The following CNTNAP2 variants were observed in gnomAD, a reference collection of about 807,000 sequenced individuals.
The protein encoded by CNTNAP2 is contactin associated protein 2.
A neutral mutation model predicts 155.2 loss-of-function variants in CNTNAP2; 98 were observed. The ratio of observed to expected loss-of-function variants is 0.63; its 90% confidence interval spans 0.54 to 0.75. The LOEUF is 0.75. Among genes scored for constraint, CNTNAP2 ranks in the 30% least tolerant of loss-of-function variants. CNTNAP2 has a pLI of 0.00. For missense variants in CNTNAP2, 1,727 were observed against 1,688.1 expected (o/e 1.02, Z -0.40); for synonymous variants, 651 against 631.2 (o/e 1.03, Z -0.47).
At chr7:146,551,749 G>C (rs1798125989) in intron 1 of CNTNAP2, among the ~76,000 whole-genome samples, 1 of 152,088 alleles carries the variant, frequency 6.6e-6, no homozygotes, top group Non-Finnish European at 1.5e-5. Flanking sequence ...ACAGAGTCCA[G>C]CTCCTGAGCA....
At chr7:146,571,712 T>G (rs946521262) in intron 1 of CNTNAP2, among the ~76,000 whole-genome samples, 1 of 147,588 alleles carries the variant, frequency 6.8e-6, no homozygotes, top group Non-Finnish European at 1.5e-5. Context: ...CATTTAAACA[T>G]TTAAAAACTT....
intron 13 of CNTNAP2, among the ~76,000 whole-genome samples, chr7:147,645,651 T>C (rs1481545033): frequency 6.6e-6 from 1 of 151,608 alleles, no homozygotes; most frequent in Non-Finnish European, 1.5e-5. Flanking sequence ...TGGATAGGAG[T>C]TGATGAGAAC....
chr7:148,217,486 T>C lies in CNTNAP2; in HGVS notation c.3209T>C (p.Phe1070Ser). ...TGCATTCTCCTCTACATCAGCTCCT[T>C]CACCACAGACTTCTTGGCAGTCCTC... is the stretch of plus-strand genomic sequence containing the variant. The part of the protein sequence containing the change: ...APCILLYISS[F>S]TTDFLAVLVK... Residue 1070 changes from phenylalanine (F) to serine (S), a missense_variant, in exon 19 of 24, where the codon TTC becomes TCC. Coordinates refer to ENST00000361727, the MANE Select transcript of CNTNAP2 (RefSeq NM_014141.6). The C allele has an allele frequency of 6.2e-7, 1 of 1,614,160 alleles. No homozygotes were observed.
chr7:146,905,940 C>G (rs919256370), intron 3 of CNTNAP2, among the ~76,000 whole-genome samples: 5 of 152,124 alleles, frequency 3.3e-5, no homozygotes, highest in Non-Finnish European at 5.9e-5. Context: ...AGTGGGTGCA[C>G]GCACCACACC....
chr7:147,424,248 A>G (rs7794718), intron 10 of CNTNAP2, among the ~76,000 whole-genome samples: 41,405 of 152,080 alleles, frequency 0.27, 6,633 homozygotes, highest in African/African-American at 0.44. Context: ...AGTAACAATC[A>G]TCATTGCTTT....
intron 4 of CNTNAP2, among the ~76,000 whole-genome samples, chr7:147,055,409 C>T (rs1170120349): frequency 6.6e-6 from 1 of 152,166 alleles, no homozygotes; most frequent in Non-Finnish European, 1.5e-5. Flanking sequence ...GAAGAAAAAG[C>T]CTGAGGAACT....
At chr7:146,232,257 C>CTGTATG (rs1269249179) in intron 1 of CNTNAP2, among the ~76,000 whole-genome samples, 1 of 148,520 alleles carries the variant, frequency 6.7e-6, no homozygotes, top group Non-Finnish European at 1.5e-5. Flanking sequence ...CCCTGAATGC[C>CTGTATG]TGTATGTGTA....
chr7:146,857,108 A>G (rs1411191459), intron 3 of CNTNAP2, among the ~76,000 whole-genome samples: 2 of 152,274 alleles, frequency 1.3e-5, no homozygotes. Context: ...TTTGTATGAA[A>G]TGTACACTAT....
intron 1 of CNTNAP2, among the ~76,000 whole-genome samples, chr7:146,242,431 C>T (rs191073328): frequency 1.7e-4 from 25 of 151,294 alleles, no homozygotes; most frequent in East Asian, 3.9e-4. Context: ...CCCAGCTACT[C>T]GGGAGGCTAA....
intron 11 of CNTNAP2, among the ~76,000 whole-genome samples, chr7:147,507,898 A>G (rs188215650): frequency 1.2e-3 from 187 of 152,156 alleles, no homozygotes; most frequent in Non-Finnish European, 2.3e-3. Flanking sequence ...GTAACTCAGC[A>G]GCTCTTCATT....
chr7:147,675,485 A>G (rs916448890), intron 13 of CNTNAP2, among the ~76,000 whole-genome samples: 3 of 152,102 alleles, frequency 2.0e-5, no homozygotes, highest in Non-Finnish European at 4.4e-5. Context: ...AGGCCTGAAA[A>G]TCATGAGTGC....
chr7:146,942,902 A>C (rs1326704661), intron 3 of CNTNAP2, among the ~76,000 whole-genome samples: 2 of 152,190 alleles, frequency 1.3e-5, no homozygotes, highest in African/African-American at 4.8e-5. Context: ...ATGATTGGGA[A>C]TAGCTCTTAA....
chr7:146,511,782 G>C (rs1207880782), intron 1 of CNTNAP2, among the ~76,000 whole-genome samples: 4 of 151,976 alleles, frequency 2.6e-5, no homozygotes, highest in African/African-American at 9.7e-5. Flanking sequence ...GCATAATTCT[G>C]GCCTCATAAA....
chr7:146,331,111 T>C (rs1257116249), intron 1 of CNTNAP2, among the ~76,000 whole-genome samples: 2 of 151,992 alleles, frequency 1.3e-5, no homozygotes, highest in East Asian at 1.9e-4. Context: ...GAGACCATCC[T>C]GGCTAACACG....
At chr7:146,606,436 A>G (rs1799048923) in intron 1 of CNTNAP2, among the ~76,000 whole-genome samples, 2 of 152,330 alleles carry the variant, frequency 1.3e-5, no homozygotes, top group Admixed American at 1.3e-4. Context: ...GACCCTTTCA[A>G]ATTGTACAAT....
At chr7:147,445,090 C>G (rs1465766520) in intron 10 of CNTNAP2, among the ~76,000 whole-genome samples, 1 of 152,124 alleles carries the variant, frequency 6.6e-6, no homozygotes, top group Non-Finnish European at 1.5e-5. Context: ...CACCTCCCAC[C>G]ACATCCCTCC....
intron 1 of CNTNAP2, among the ~76,000 whole-genome samples, chr7:146,292,008 A>G (rs1800436412): frequency 6.6e-6 from 1 of 152,244 alleles, no homozygotes; most frequent in Admixed American, 6.5e-5. Flanking sequence ...TCCCAAATAT[A>G]TAAGAAACTC....
chr7:147,264,844 A>G (rs1424047032), intron 8 of CNTNAP2, among the ~76,000 whole-genome samples: 1 of 152,084 alleles, frequency 6.6e-6, no homozygotes, highest in Non-Finnish European at 1.5e-5. Flanking sequence ...ACAGCTATGA[A>G]CTATTTGAGG....
intron 8 of CNTNAP2, among the ~76,000 whole-genome samples, chr7:147,195,995 G>T (rs1802791970): frequency 6.6e-6 from 1 of 152,042 alleles, no homozygotes; most frequent in South Asian, 2.1e-4. Context: ...TTAAAATGAG[G>T]TCATATGAAT....
Sources: gnomAD v4.1 joint callset for allele counts (sites outside exome capture counted in the v4.1 genomes callset) on GRCh38, gnomAD v4.1.1 for gene constraint, MANE v1.5 for transcripts, NCBI Gene and HGNC (gene_info 2026-07-23, HGNC 2026-07-21) for gene names.